The following B3GALT1 variants were observed in gnomAD, a reference collection of about 807,000 sequenced individuals.
B3GALT1 encodes beta-1,3-galactosyltransferase 1, also known as UDP-Gal:betaGlcNAc beta 1,3-galactosyltransferase, polypeptide 1.
In B3GALT1, 10 loss-of-function variants were observed where a neutral mutation model predicts 23.2. The observed-to-expected ratio is 0.43, with a 90% confidence interval of 0.27 to 0.73. The LOEUF (loss-of-function observed/expected upper bound fraction) is 0.73, where lower values mean the gene tolerates loss of function less well. Ranked by LOEUF, B3GALT1 falls within the 30% of genes least tolerant of loss-of-function variation. B3GALT1 has a pLI of 0.21. For synonymous variants in B3GALT1, 156 were observed against 141.5 expected, an observed-to-expected ratio of 1.10 and a Z score of -0.73; for missense variants, 299 against 405.4, an observed-to-expected ratio of 0.74 and a Z score of 2.25.
chr2:167,503,647 T>A (rs989808736), intron 2 of B3GALT1, among the ~76,000 whole-genome samples: 7 of 152,188 alleles, frequency 4.6e-5, no homozygotes, highest in Admixed American at 1.3e-4. Flanking sequence ...TTCCCTCAAC[T>A]AAAATGCCCA....
intron 3 of B3GALT1, among the ~76,000 whole-genome samples, chr2:167,727,104 CT>C (rs760546847): frequency 1.9e-4 from 18 of 96,988 alleles, no homozygotes; most frequent in African/African-American, 3.7e-4. Flanking sequence ...GGCATCTTTA[CT>C]TTTTTTTTTA....
chr2:167,518,640 G>A (rs538477832), intron 2 of B3GALT1, among the ~76,000 whole-genome samples: 11 of 152,220 alleles, frequency 7.2e-5, no homozygotes, highest in Admixed American at 3.3e-4. Context: ...AAAGATGGGC[G>A]TCTATTCAGA....
At position 167,872,905 on chromosome 2, in the gene B3GALT1, A is replaced by C. The variant is rs1328471453; in HGVS notation, c.*2885A>C. On this transcript the variant is annotated 3_prime_UTR_variant, in exon 5 of 5. Coordinates refer to ENST00000392690, the MANE Select transcript of B3GALT1 (RefSeq NM_020981.4). ...CTTGCTGTGTAACCTTTTCTTCTGC[A>C]TGGAGCTTTTGGTGAAGCAAGGCCA... 2 of 152,166 alleles carry C rather than the reference A, an allele frequency of 1.3e-5. No homozygotes were observed. Among genetic ancestry groups the C allele is most frequent in the Non-Finnish European group, 2.9e-5 (2 of 68,036 alleles). The allele number at this position is 152,166 out of a possible 1,614,324, so 9.4% of individuals were successfully genotyped here.
chr2:167,482,362 AT>A (rs1351455259), intron 1 of B3GALT1, among the ~76,000 whole-genome samples: 1 of 152,188 alleles, frequency 6.6e-6, no homozygotes, highest in Non-Finnish European at 1.5e-5. Flanking sequence ...ACATGATCTG[AT>A]GGGAAGTAAG....
intron 1 of B3GALT1, among the ~76,000 whole-genome samples, chr2:167,366,633 A>G (rs1697592027): frequency 6.6e-6 from 1 of 152,208 alleles, no homozygotes; most frequent in Admixed American, 6.5e-5. Flanking sequence ...GAACAACACT[A>G]GTCTCATTAT....
chr2:167,777,057 C>G (rs1455520447), intron 3 of B3GALT1, among the ~76,000 whole-genome samples: 1 of 152,022 alleles, frequency 6.6e-6, no homozygotes, highest in Non-Finnish European at 1.5e-5. Context: ...TTGTCAGTGA[C>G]TATTGGAGAG....
At position 167,508,415 on chromosome 2, in the gene B3GALT1, C is replaced by T. The variant is rs374470267; in HGVS notation, c.-410+18138C>T. On this transcript the variant is annotated intron_variant, in intron 2 of 4. Transcript: ENST00000392690. ...CTGGGACTACAGGCACCCGCCACCA[C>T]TCCCGGCTAATTTTTTATATTTTTA... 2.7e-4 allele frequency among the ~76,000 whole-genome samples: 41 copies of T among 151,860 alleles called. No individual in the cohort carries two copies. In the East Asian group the frequency reaches 4.5e-3, roughly 17 times the overall value.
intron 1 of B3GALT1, among the ~76,000 whole-genome samples, chr2:167,305,885 G>A (rs964351935): frequency 1.3e-5 from 2 of 151,998 alleles, no homozygotes; most frequent in Non-Finnish European, 1.5e-5. Context: ...AGAATATGAG[G>A]ACTAGTTATT....
chr2:167,524,485 A>G (rs1280282327), intron 2 of B3GALT1, among the ~76,000 whole-genome samples: 2 of 152,188 alleles, frequency 1.3e-5, no homozygotes, highest in East Asian at 3.8e-4. Flanking sequence ...TTAGGCTGTT[A>G]AAAACCTCTG....
At chr2:167,683,337 A>T (rs76038172) in intron 3 of B3GALT1, among the ~76,000 whole-genome samples, 1 of 152,220 alleles carries the variant, frequency 6.6e-6, no homozygotes, top group African/African-American at 2.4e-5. Context: ...TTCAAAGTTC[A>T]TAAAGCCCTG....
chr2:167,323,831 A>G (rs2105494790), intron 1 of B3GALT1, among the ~76,000 whole-genome samples: 1 of 152,224 alleles, frequency 6.6e-6, no homozygotes, highest in East Asian at 1.9e-4. Flanking sequence ...GTAGACATTC[A>G]GAAATTCTTA....
intron 4 of B3GALT1, among the ~76,000 whole-genome samples, chr2:167,853,001 CAAAG>C (rs1553496343): frequency 2.0e-5 from 3 of 152,090 alleles, no homozygotes; most frequent in Non-Finnish European, 4.4e-5. Context: ...TAAAGTTTAT[CAAAG>C]AGTCACAGTT....
intron 3 of B3GALT1, among the ~76,000 whole-genome samples, chr2:167,802,555 A>G (rs752709077): frequency 2.0e-5 from 3 of 152,178 alleles, no homozygotes; most frequent in Non-Finnish European, 2.9e-5. Flanking sequence ...GTTAATACCT[A>G]TTGTTTTGCA....
At chr2:167,660,155 G>A (rs192202852) in intron 3 of B3GALT1, among the ~76,000 whole-genome samples, 73 of 152,184 alleles carry the variant, frequency 4.8e-4, no homozygotes, top group African/African-American at 1.7e-3. Context: ...AGCATGTTTA[G>A]GAAGTGGATT....
intron 2 of B3GALT1, among the ~76,000 whole-genome samples, chr2:167,637,338 C>T (rs1428139576): frequency 1.3e-5 from 2 of 151,948 alleles, no homozygotes; most frequent in Non-Finnish European, 2.9e-5. Context: ...TACTAATGCC[C>T]AGAGAAGTCA....
intron 3 of B3GALT1, among the ~76,000 whole-genome samples, chr2:167,758,865 C>G (rs1214225401): frequency 6.6e-6 from 1 of 152,166 alleles, no homozygotes; most frequent in Admixed American, 6.5e-5. Flanking sequence ...GTAACTGTTA[C>G]TTGGGACAAA....
intron 3 of B3GALT1, among the ~76,000 whole-genome samples, chr2:167,788,792 C>G (rs1688384357): frequency 6.6e-6 from 1 of 152,070 alleles, no homozygotes; most frequent in African/African-American, 2.4e-5. Flanking sequence ...CCAAAGTGAC[C>G]AGAAAATTTA....
At chr2:167,532,886 A>T in intron 2 of B3GALT1, among the ~76,000 whole-genome samples, 1 of 130,954 alleles carries the variant, frequency 7.6e-6, no homozygotes, top group African/African-American at 3.0e-5. Context: ...TGGGAGACAG[A>T]GTTTCGCTCT....
intron 1 of B3GALT1, among the ~76,000 whole-genome samples, chr2:167,406,803 CAG>C (rs1698286190): frequency 6.6e-6 from 1 of 152,160 alleles, no homozygotes; most frequent in South Asian, 2.1e-4. Flanking sequence ...TCCACAGATA[CAG>C]ATCCCCTGGG....
Sources: gnomAD v4.1 joint callset for allele counts (sites outside exome capture counted in the v4.1 genomes callset) on GRCh38, gnomAD v4.1.1 for gene constraint, MANE v1.5 for transcripts, NCBI Gene and HGNC (gene_info 2026-07-23, HGNC 2026-07-21) for gene names.